The following ESR1 variants were observed in gnomAD, a reference collection of about 807,000 sequenced individuals.
ESR1 encodes the protein estrogen receptor 1.
Under a neutral mutation model 52.7 loss-of-function variants are expected in ESR1, and 12 were observed. The observed-to-expected ratio is 0.23, with a 90% CI of 0.15 to 0.37. The LOEUF (loss-of-function observed/expected upper bound fraction) is 0.37. Among genes scored for constraint, ESR1 ranks in the 10% least tolerant of loss-of-function variants. ESR1 has a pLI of 1.00. For missense variants in ESR1, 584 were observed against 779.7 expected (o/e 0.75, Z 2.99); for synonymous variants, 305 against 316.8 (o/e 0.96, Z 0.39).
At chr6:151,879,447 G>A (rs771702540) in intron 2 of ESR1, among the ~76,000 whole-genome samples, 2 of 152,124 alleles carry the variant, frequency 1.3e-5, no homozygotes, top group Non-Finnish European at 2.9e-5. Flanking sequence ...AGTTCAGCTG[G>A]GAACAAGGGA....
intron 2 of ESR1, among the ~76,000 whole-genome samples, chr6:151,787,206 CTGTT>C (rs569682935): frequency 6.6e-5 from 10 of 152,138 alleles, no homozygotes; most frequent in Non-Finnish European, 1.5e-4. Flanking sequence ...GTCTATGTGT[CTGTT>C]TGTGTATCAG....
At chr6:151,907,541 C>T (rs1218797148) in intron 3 of ESR1, among the ~76,000 whole-genome samples, 3 of 151,876 alleles carry the variant, frequency 2.0e-5, no homozygotes, top group South Asian at 4.1e-4. Context: ...TGGGATTATA[C>T]TGCCTCTTCA....
intron 5 of ESR1, among the ~76,000 whole-genome samples, chr6:152,045,334 G>A (rs2046140347): frequency 6.6e-6 from 1 of 152,232 alleles, no homozygotes; most frequent in Admixed American, 6.5e-5. Flanking sequence ...GGAGTGAAGA[G>A]TTGTAGGAAT....
At chr6:151,848,801 A>G (rs1227369899) in intron 2 of ESR1, among the ~76,000 whole-genome samples, 2 of 152,196 alleles carry the variant, frequency 1.3e-5, no homozygotes, top group Middle Eastern at 3.2e-3. Context: ...TATATTAATC[A>G]GGTCCTATGG....
chr6:151,780,096 G>A (rs1478523529), intron 2 of ESR1, among the ~76,000 whole-genome samples: 2 of 151,830 alleles, frequency 1.3e-5, no homozygotes, highest in Non-Finnish European at 2.9e-5. Context: ...TCCATAATGA[G>A]TGGGTGAGTT....
intron 2 of ESR1, among the ~76,000 whole-genome samples, chr6:151,740,214 G>T (rs1320391764): frequency 6.6e-6 from 1 of 150,978 alleles, no homozygotes; most frequent in Non-Finnish European, 1.5e-5. Flanking sequence ...TGCTTCCTGG[G>T]TTCAAGTGAT....
At chr6:151,713,761 AT>A (rs1185745998) in intron 2 of ESR1, among the ~76,000 whole-genome samples, 1 of 151,806 alleles carries the variant, frequency 6.6e-6, no homozygotes, top group Non-Finnish European at 1.5e-5. Flanking sequence ...CAGTCTATCT[AT>A]TTTGTTAATC....
At position 152,099,603 on chromosome 6, in the gene ESR1, A is replaced by G; in HGVS notation, c.*637A>G. The G allele has an allele frequency of 4.1e-6, 1 of 243,672 alleles. No homozygotes were observed. The highest frequency in any genetic ancestry group is 8.0e-6 in the Non-Finnish European group (1 of 125,262). 15.1% of individuals were successfully genotyped at this position (243,672 alleles called of 1,614,324 possible). On this transcript the variant is annotated 3_prime_UTR_variant, in exon 8 of 8. Transcript: ENST00000206249. Reference sequence around the variant, plus strand: ...GAAGGCAGATCCCCTAGTTGGCAAGACTATTTTAACTTGATACACTGCAGA... The same window carrying G: ...GAAGGCAGATCCCCTAGTTGGCAAGGCTATTTTAACTTGATACACTGCAGA...
intron 2 of ESR1, among the ~76,000 whole-genome samples, chr6:151,871,017 A>G (rs1027727780): frequency 2.0e-4 from 30 of 151,944 alleles, no homozygotes; most frequent in Non-Finnish European, 7.4e-5. Flanking sequence ...ACACTTGGCT[A>G]ATTTAAAAAC....
intron 2 of ESR1, among the ~76,000 whole-genome samples, chr6:151,850,114 T>TATATA (rs61329041): frequency 5.4e-4 from 19 of 35,020 alleles, no homozygotes; most frequent in African/African-American, 1.9e-3. Context: ...ATATACAAAA[T>TATATA]TATATATATA....
At chr6:151,689,994 A>G (rs1460352965), upstream of ESR1, among the ~76,000 whole-genome samples, 1 of 152,182 alleles carries the variant, frequency 6.6e-6, no homozygotes, top group South Asian at 2.1e-4. Flanking sequence ...GGATCATATG[A>G]CAGAAGGAAG....
chr6:152,127,646 C>A (rs77638436), exon 7 of ESR1: 1 of 152,126 alleles, frequency 6.6e-6, no homozygotes, highest in African/African-American at 2.4e-5. Flanking sequence ...AGAAACCTAT[C>A]GGAGCCTTAC....
intron 4 of ESR1, among the ~76,000 whole-genome samples, chr6:151,974,654 G>C (rs1226251649): frequency 6.6e-6 from 1 of 152,190 alleles, no homozygotes; most frequent in African/African-American, 2.4e-5. Flanking sequence ...GAGGATAAAA[G>C]CCTATATGAA....
At chr6:151,829,640 G>A (rs1486306655) in intron 1 of ESR1, among the ~76,000 whole-genome samples, 1 of 152,208 alleles carries the variant, frequency 6.6e-6, no homozygotes. Context: ...CTTGGATGCA[G>A]TGAAGAAATT....
chr6:151,841,103 C>A lies in ESR1; in HGVS notation c.453-1494C>A, dbSNP rs561480158. Among the ~76,000 whole-genome samples, 16 of 152,280 alleles carry A rather than the reference C, an allele frequency of 1.1e-4. No homozygotes were observed. The East Asian group carries it at 3.1e-3, about 29-fold the overall frequency. On this transcript the variant is annotated intron_variant, in intron 1 of 7. Coordinates refer to ENST00000206249, the MANE Select transcript of ESR1 (RefSeq NM_000125.4). ...AATTTCTTTTACCTGTGTTTTTAATCCCAACTCCTCTAGTTTCCTTCTTGG... is the reference window on the plus strand; with the variant it reads ...AATTTCTTTTACCTGTGTTTTTAATACCAACTCCTCTAGTTTCCTTCTTGG...
chr6:151,822,198 G>A (rs575493599), intron 1 of ESR1, among the ~76,000 whole-genome samples: 1 of 152,282 alleles, frequency 6.6e-6, no homozygotes, highest in African/African-American at 2.4e-5. Flanking sequence ...AAGAGATAAT[G>A]TAGGGATTAA....
chr6:151,811,606 C>T (rs1170173660), intron 1 of ESR1, among the ~76,000 whole-genome samples: 1 of 152,174 alleles, frequency 6.6e-6, no homozygotes, highest in Non-Finnish European at 1.5e-5. Flanking sequence ...ATTTGAAACT[C>T]TTTCTCAACT....
intron 3 of ESR1, among the ~76,000 whole-genome samples, chr6:151,937,782 A>G (rs2034542586): frequency 6.6e-6 from 1 of 152,212 alleles, no homozygotes; most frequent in Non-Finnish European, 1.5e-5. Context: ...TTTACAGTCA[A>G]TGACATTGTG....
chr6:151,796,159 C>G (rs1322570047), intron 2 of ESR1, among the ~76,000 whole-genome samples: 29 of 147,774 alleles, frequency 2.0e-4, no homozygotes, highest in Middle Eastern at 3.4e-3. Flanking sequence ...GAGTGAGACT[C>G]CGTCTCAAAA....
Sources: gnomAD v4.1 joint callset for allele counts (sites outside exome capture counted in the v4.1 genomes callset) on GRCh38, gnomAD v4.1.1 for gene constraint, MANE v1.5 for transcripts, NCBI Gene and HGNC (gene_info 2026-07-23, HGNC 2026-07-21) for gene names.